Variants in RCBTB1 observed in about 807,000 individuals in gnomAD.
RCBTB1 encodes RCC1 and BTB domain containing protein 1.
In RCBTB1, 46 loss-of-function variants were observed where a neutral mutation model predicts 62.4. That is an observed-to-expected ratio of 0.74 (90% confidence interval 0.58 to 0.94). The LOEUF (loss-of-function observed/expected upper bound fraction) is 0.94, where lower values mean the gene tolerates loss of function less well. Among genes scored for constraint, RCBTB1 ranks in the 40% least tolerant of loss-of-function variants. The probability of loss-of-function intolerance (pLI) is 0.00; values close to 1 mark genes in which losing one functional copy is unlikely to be tolerated. For synonymous variants in RCBTB1, 222 were observed against 245.8 expected, an observed-to-expected ratio of 0.90 and a Z score of 0.91; for missense variants, 565 against 654.9, an observed-to-expected ratio of 0.86 and a Z score of 1.50.
intron 9 of RCBTB1, among the ~76,000 whole-genome samples, chr13:49,548,397 AAAAAAAAAGAAAAG>A (rs995618822): frequency 1.3e-5 from 2 of 151,622 alleles, no homozygotes; most frequent in Non-Finnish European, 2.9e-5. Flanking sequence ...TCAAAAAAAA[AAAAAAAAAGAAAAG>A]AAAGTTCATC....
At chr13:49,574,119 T>G (rs570628159) in intron 2 of RCBTB1, among the ~76,000 whole-genome samples, 3 of 145,824 alleles carry the variant, frequency 2.1e-5, no homozygotes, top group Non-Finnish European at 4.5e-5. Flanking sequence ...CCAAATTTCT[T>G]TTTTTGGGGG....
intron 4 of RCBTB1, among the ~76,000 whole-genome samples, chr13:49,564,527 G>C (rs1962744981): frequency 7.0e-6 from 1 of 142,300 alleles, no homozygotes; most frequent in African/African-American, 2.7e-5. Flanking sequence ...TGGAGGTTGA[G>C]TGGGCCGAGA....
At chr13:49,542,194 C>G (rs1249095164) in intron 10 of RCBTB1, among the ~76,000 whole-genome samples, 1 of 134,838 alleles carries the variant, frequency 7.4e-6, no homozygotes, top group African/African-American at 2.9e-5. Flanking sequence ...AGCCTGGCAA[C>G]AAGAGCAAAA....
intron 12 of RCBTB1, 88 bp from the exon 13 acceptor site, chr13:49,534,350 C>T: frequency 7.6e-7 from 1 of 1,321,478 alleles, no homozygotes; most frequent in Non-Finnish European, 1.0e-6. Flanking sequence ...TACCCCAAAT[C>T]TCTCACCCTC....
chr13:49,582,157 T>A (rs1220333296), intron 1 of RCBTB1, among the ~76,000 whole-genome samples: 1 of 152,198 alleles, frequency 6.6e-6, no homozygotes. Flanking sequence ...TCAATGGGCC[T>A]TAAGAAAGTA....
At chr13:49,534,522 A>G (rs576348754) in intron 12 of RCBTB1, among the ~76,000 whole-genome samples, 2 of 151,518 alleles carry the variant, frequency 1.3e-5, no homozygotes, top group Non-Finnish European at 2.9e-5. Flanking sequence ...GCGCACACAC[A>G]CACACACGCA....
intron 4 of RCBTB1, among the ~76,000 whole-genome samples, chr13:49,560,651 G>C (rs1328469069): frequency 6.7e-6 from 1 of 149,960 alleles, no homozygotes; most frequent in Non-Finnish European, 1.5e-5. Context: ...ATTTTTTTAC[G>C]CTCATTTATT....
chr13:49,548,388 C>CAAAA (rs1289018692), intron 9 of RCBTB1, among the ~76,000 whole-genome samples: 1 of 80,298 alleles, frequency 1.2e-5, no homozygotes, highest in African/African-American at 4.5e-5. Context: ...GACTCCGTCT[C>CAAAA]AAAAAAAAAA....
At chr13:49,583,032 T>C (rs985679326) in intron 1 of RCBTB1, among the ~76,000 whole-genome samples, 1 of 151,720 alleles carries the variant, frequency 6.6e-6, no homozygotes, top group African/African-American at 2.4e-5. Context: ...AAAAAATTAG[T>C]CGAATGTGGT....
At chr13:49,554,793 T>C (rs1961706471) in intron 6 of RCBTB1, among the ~76,000 whole-genome samples, 1 of 152,156 alleles carries the variant, frequency 6.6e-6, no homozygotes, top group South Asian at 2.1e-4. Context: ...CCGCCATCTG[T>C]GGAAAAACTG....
At chr13:49,543,367 T>C (rs146312408) in intron 10 of RCBTB1, among the ~76,000 whole-genome samples, 22 of 152,180 alleles carry the variant, frequency 1.4e-4, no homozygotes, top group African/African-American at 5.3e-4. Context: ...TAAGAAAGAA[T>C]CATGGATTTC....
intron 9 of RCBTB1, chr13:49,546,212 C>G (rs1960773985): frequency 1.0e-6 from 1 of 985,332 alleles, no homozygotes; most frequent in Non-Finnish European, 1.2e-6. Flanking sequence ...ATGACTCTTT[C>G]TCCTCTTTGC....
chr13:49,559,430 G>C (rs981140409), intron 5 of RCBTB1, among the ~76,000 whole-genome samples: 23 of 152,292 alleles, frequency 1.5e-4, no homozygotes, highest in Non-Finnish European at 2.6e-4. Flanking sequence ...GCCAAGGCGG[G>C]CAGATCACGA....
At chr13:49,567,062 A>T in intron 3 of RCBTB1, 92 bp downstream of exon 3, 1 of 1,208,470 alleles carries the variant, frequency 8.3e-7, no homozygotes, top group Non-Finnish European at 1.2e-6. Context: ...CTTTATTTAT[A>T]CCCCGCCTTT....
chr13:49,546,327 G>A, intron 9 of RCBTB1: 2 of 985,162 alleles, frequency 2.0e-6, no homozygotes, highest in Non-Finnish European at 2.4e-6. Flanking sequence ...ATCACAAAGT[G>A]AGAGGGAAAA....
In RCBTB1 at chr13:49,585,558, C is replaced by A. The variant is rs964412561; in HGVS notation, c.-236G>T. ...GCCCACCGGCAGCGAAGAGGAGGAGCGCCAGGGCGCCGGGCCCGCCGGGTC... is the reference window on the plus strand; with the variant it reads ...GCCCACCGGCAGCGAAGAGGAGGAGAGCCAGGGCGCCGGGCCCGCCGGGTC... On this transcript the variant is annotated 5_prime_UTR_variant, in exon 1 of 13. Transcript: ENST00000378302. 2 of 150,314 alleles carry A rather than the reference C, an allele frequency of 1.3e-5. No homozygotes were observed. The highest frequency in any genetic ancestry group is 3.0e-5 in the Non-Finnish European group (2 of 67,756). 9.3% of individuals were successfully genotyped at this position (150,314 alleles called of 1,614,324 possible). A position where few individuals can be genotyped will look rare whatever the true frequency, so the allele number is the denominator to read the frequency against.
intron 5 of RCBTB1, among the ~76,000 whole-genome samples, chr13:49,557,313 C>G (rs550851301): frequency 6.6e-6 from 1 of 151,720 alleles, no homozygotes; most frequent in African/African-American, 2.4e-5. Flanking sequence ...TGACCAAAGG[C>G]AATGGAAATG....
intron 11 of RCBTB1, 50 bp downstream of exon 11, chr13:49,541,626 G>A (rs1049600172): frequency 6.7e-7 from 1 of 1,502,898 alleles, no homozygotes. Flanking sequence ...GAATATGAGG[G>A]GATATATTCT....
chr13:49,552,286 C>T lies in RCBTB1; in HGVS notation c.604-1G>A. ...TGCCATTGTAACCCCAGCCATATAC[C>T]TTAGAGAGGACAGAAGGGAGAGAGT... On this transcript the variant is annotated splice_acceptor_variant, in intron 6 of 12. Transcript: ENST00000378302. LOFTEE classifies it high-confidence loss of function. 1 of 1,585,340 alleles carries T rather than the reference C, an allele frequency of 6.3e-7. No homozygotes were observed. The highest frequency in any genetic ancestry group is 8.6e-7 in the Non-Finnish European group (1 of 1,159,872).
Sources: allele counts gnomAD v4.1 joint callset (sites outside exome capture counted in the v4.1 genomes callset), GRCh38; gene constraint gnomAD v4.1.1; transcripts MANE v1.5; gene names NCBI Gene and HGNC (gene_info 2026-07-23, HGNC 2026-07-21).